The following ZNF610 variants were observed in gnomAD, a reference collection of about 807,000 sequenced individuals.
The protein encoded by ZNF610 is zink finger protein.
A neutral mutation model predicts 14.1 loss-of-function variants in ZNF610; 14 were observed. The ratio of observed to expected loss-of-function variants is 0.99; its 90% CI spans 0.65 to 1.55. The LOEUF (loss-of-function observed/expected upper bound fraction) is 1.55. Ranked by LOEUF, ZNF610 falls within the 40% of genes most tolerant of loss-of-function variation. ZNF610 has a pLI of 0.00. For synonymous variants in ZNF610, 185 were observed against 187.6 expected (o/e 0.99, Z 0.11); for missense variants, 530 against 558.0 (o/e 0.95, Z 0.51).
In ZNF610 at chr19:52,365,850, C is replaced by T. The variant is rs758475631; in HGVS notation, c.472C>T (p.Arg158Cys). 91 of 1,613,982 alleles carry T rather than the reference C, an allele frequency of 5.6e-5. No homozygotes were observed. The Admixed American group carries it at 1.2e-3, about 21-fold the overall frequency. Residue 158 changes from arginine (R) to cysteine (C), a missense_variant, in exon 6 of 6, where the codon CGT becomes TGT. Arg to Cys is a radical substitution (Grantham distance 180). Coordinates refer to ENST00000403906, the MANE Select transcript of ZNF610 (RefSeq NM_001161425.2). ...SNQVEKFTNH[R>C]SSVSPLQKIS... ...TCAAGTTGAAAAGTTTACAAACCATCGTTCCTCAGTTTCACCACTTCAAAA... is the reference window on the plus strand; with the variant it reads ...TCAAGTTGAAAAGTTTACAAACCATTGTTCCTCAGTTTCACCACTTCAAAA...
At position 52,349,148 on chromosome 19, in the gene ZNF610, A is replaced by T; in HGVS notation, c.-19-6A>T. 1 of 1,609,242 alleles carries T rather than the reference A, an allele frequency of 6.2e-7. No homozygotes were observed. Among genetic ancestry groups the T allele is most frequent in the Non-Finnish European group, 8.5e-7 (1 of 1,176,520 alleles). On this transcript the variant is annotated splice_polypyrimidine_tract_variant and splice_region_variant and intron_variant, in intron 2 of 5. Coordinates refer to ENST00000403906, the MANE Select transcript of ZNF610 (RefSeq NM_001161425.2). ...GAGCAGTAATCAGTGTATTTTTGAC[A>T]TTTAGGATTGACTTATAAACAGTCA...
chr19:52,350,649 G>A (rs1202995545), intron 3 of ZNF610, among the ~76,000 whole-genome samples: 1 of 152,054 alleles, frequency 6.6e-6, no homozygotes, highest in Admixed American at 6.6e-5. Context: ...CTGCACTCCA[G>A]CCTGGGCGAC....
At chr19:52,353,632 G>A in intron 3 of ZNF610, 50 bp from the exon 4 acceptor site, 3 of 1,597,128 alleles carry the variant, frequency 1.9e-6, no homozygotes, top group Middle Eastern at 1.7e-4. Context: ...ACTAAATTGA[G>A]TACAATTTCT....
At chr19:52,359,085 C>T (rs1331913700) in intron 5 of ZNF610, among the ~76,000 whole-genome samples, 1 of 152,148 alleles carries the variant, frequency 6.6e-6, no homozygotes, top group Non-Finnish European at 1.5e-5. Context: ...CAGTGTAACA[C>T]CTCCAGCTTT....
At chr19:52,349,027 A>G (rs1985103506) in intron 2 of ZNF610, 127 bp from the exon 3 acceptor site, 2 of 643,360 alleles carry the variant, frequency 3.1e-6, no homozygotes, top group Non-Finnish European at 5.4e-6. Flanking sequence ...CCCTGCATCA[A>G]CTCTGGTGCA....
chr19:52,356,032 C>T (rs1172722175), intron 5 of ZNF610, among the ~76,000 whole-genome samples: 1 of 152,182 alleles, frequency 6.6e-6, no homozygotes, highest in Non-Finnish European at 1.5e-5. Flanking sequence ...CCTGGTCTTT[C>T]TGGTAATCAG....
At chr19:52,338,928 G>A (rs1298262280) in intron 1 of ZNF610, among the ~76,000 whole-genome samples, 4 of 152,062 alleles carry the variant, frequency 2.6e-5, no homozygotes, top group East Asian at 2.0e-4. Flanking sequence ...GACCCGCGCC[G>A]GCCCGGTCTC....
intron 3 of ZNF610, 47 bp from the exon 4 acceptor site, chr19:52,353,635 C>A (rs542900699): frequency 4.4e-6 from 7 of 1,601,136 alleles, no homozygotes; most frequent in African/African-American, 1.3e-5. Context: ...AAATTGAGTA[C>A]AATTTCTACA....
Position 52,366,254 on chromosome 19 carries a change from A to T in ZNF610, c.876A>T (p.Glu292Asp), listed in dbSNP as rs1437884141. 6.2e-7 allele frequency: 1 copy of T among 1,613,342 alleles called. No individual in the cohort carries two copies. The highest frequency in any genetic ancestry group is 2.2e-5 in the East Asian group (1 of 44,858). Residue 292 changes from glutamate to aspartate, a missense_variant, in exon 6 of 6, where the codon GAA (glutamate) becomes GAT (aspartate). By Grantham distance (45) the Glu-to-Asp change is conservative (BLOSUM62 2). Coordinates refer to ENST00000403906, the MANE Select transcript of ZNF610 (RefSeq NM_001161425.2). ...HTGEKPHKCN[E>D]CGKAFRECSG... ...GAGAGAAGCCTCACAAATGTAACGA[A>T]TGTGGCAAAGCTTTTAGAGAGTGTT... is the stretch of plus-strand genomic sequence containing the variant.
intron 1 of ZNF610, among the ~76,000 whole-genome samples, chr19:52,343,808 A>G (rs1174156406): frequency 6.6e-6 from 1 of 152,182 alleles, no homozygotes; most frequent in African/African-American, 2.4e-5. Context: ...GCTGGCATAC[A>G]GCCACGTCTC....
At chr19:52,353,147 C>T (rs1033283053) in intron 3 of ZNF610, among the ~76,000 whole-genome samples, 1 of 152,144 alleles carries the variant, frequency 6.6e-6, no homozygotes, top group Admixed American at 6.5e-5. Flanking sequence ...ACCATGTTGG[C>T]CAGGCTCGTC....
intron 1 of ZNF610, among the ~76,000 whole-genome samples, chr19:52,345,901 T>C (rs1319234853): frequency 1.3e-5 from 2 of 151,314 alleles, no homozygotes; most frequent in Admixed American, 1.3e-4. Flanking sequence ...AGACGGGGTT[T>C]CACCATGTTA....
chr19:52,358,889 A>G (rs1985654186), intron 5 of ZNF610, among the ~76,000 whole-genome samples: 1 of 152,172 alleles, frequency 6.6e-6, no homozygotes, highest in Admixed American at 6.5e-5. Flanking sequence ...CCTCAGCACT[A>G]TTTGATAAAG....
chr19:52,341,711 C>G (rs1365474826), intron 1 of ZNF610, among the ~76,000 whole-genome samples: 2 of 152,172 alleles, frequency 1.3e-5, no homozygotes, highest in African/African-American at 4.8e-5. Context: ...ACTGTAACCT[C>G]GAACTCCTAG....
Position 52,365,688 on chromosome 19 carries a change from T to C in ZNF610, c.320-10T>C. 6.3e-7 allele frequency: 1 copy of C among 1,586,348 alleles called. No individual in the cohort carries two copies. Among genetic ancestry groups the C allele is most frequent in the Non-Finnish European group, 8.6e-7 (1 of 1,169,380 alleles). On this transcript the variant is annotated splice_polypyrimidine_tract_variant and intron_variant, in intron 5 of 5. Transcript: ENST00000403906. Reference sequence around the variant, plus strand: ...CATGGGTTCATGTTCTACTCTTTCTTCTTTTCTAGGGAGGAGCTGTGTATT... The same window carrying C: ...CATGGGTTCATGTTCTACTCTTTCTCCTTTTCTAGGGAGGAGCTGTGTATT...
Position 52,367,555 on chromosome 19 carries a change from A to AGTGT in ZNF610, c.*799_*802dup, listed in dbSNP as rs144835826. The AGTGT allele has an allele frequency of 5.9e-5, 9 of 152,100 alleles. No individual in the cohort carries two copies. The South Asian group carries it at 6.2e-4, about 11-fold the overall frequency. 9.4% of individuals were successfully genotyped at this position (152,100 alleles called of 1,614,324 possible). A position where few individuals can be genotyped will look rare whatever the true frequency, so the allele number is the denominator to read the frequency against. On this transcript the variant is annotated 3_prime_UTR_variant, in exon 6 of 6. Coordinates refer to ENST00000403906, the MANE Select transcript of ZNF610 (RefSeq NM_001161425.2). ...ATTTTAAGGTTGAAGCAGCCAGAAA[A>AGTGT]GTGTGTGTGTGTGTATGTGTGTGAG...
upstream of ZNF610, among the ~76,000 whole-genome samples, chr19:52,334,936 A>AACACAC (rs559202600): frequency 1.7e-4 from 7 of 41,614 alleles, no homozygotes; most frequent in African/African-American, 4.9e-4. Context: ...CTCAAAAACA[A>AACACAC]ACACACACAC....
chr19:52,356,390 C>G (rs1985524658), intron 5 of ZNF610, among the ~76,000 whole-genome samples: 1 of 152,194 alleles, frequency 6.6e-6, no homozygotes, highest in African/African-American at 2.4e-5. Context: ...ATCATTTGTT[C>G]AAACCACTGT....
chr19:52,361,974 G>T (rs1279678100), intron 5 of ZNF610, among the ~76,000 whole-genome samples: 1 of 152,136 alleles, frequency 6.6e-6, no homozygotes, highest in Non-Finnish European at 1.5e-5. Context: ...ACATTGGAGT[G>T]CAGTAGTGCA....
Sources: allele counts gnomAD v4.1 joint callset (sites outside exome capture counted in the v4.1 genomes callset), GRCh38; gene constraint gnomAD v4.1.1; transcripts MANE v1.5; gene names NCBI Gene and HGNC (gene_info 2026-07-23, HGNC 2026-07-21).